Variants in ASAP3 observed in about 807,000 individuals in gnomAD.
The protein encoded by ASAP3 is ArfGAP with SH3 domain, ankyrin repeat and PH domain 3, also known as arf-GAP with SH3 domain, ANK repeat and PH domain-containing protein 3.
A neutral mutation model predicts 118.2 loss-of-function variants in ASAP3; 85 were observed. The observed-to-expected ratio is 0.72, with a 90% CI of 0.60 to 0.86. ASAP3 has a LOEUF of 0.86. ASAP3 is among the 40% of genes least tolerant of loss of function. The pLI, the probability that ASAP3 is intolerant of heterozygous loss-of-function variation, is 0.00. For missense variants in ASAP3, 1,026 were observed against 1,175.0 expected (o/e 0.87, Z 1.85); for synonymous variants, 432 against 477.4 (o/e 0.90, Z 1.24).
chr1:23,436,941 G>C lies in ASAP3; in HGVS notation c.1446C>G (p.Thr482=). ...ACTCGGAGGGGCCCAGCAGGTCCAA[G>C]GTGAGTGACTGCATGCGCGAAAAGC... ...GVRFSRMQSL[T]LDLLGPSELL... Residue 482 remains threonine, a synonymous_variant, in exon 15 of 25, where the codon ACC becomes ACG. Transcript: ENST00000336689. This position sits in a 1 kb window ranked among gnomAD's most constrained non-coding sequence, Gnocchi z 4.2. The C allele has an allele frequency of 1.2e-6, 2 of 1,612,472 alleles. No homozygotes were observed. Among genetic ancestry groups the C allele is most frequent in the South Asian group, 2.2e-5 (2 of 91,022 alleles).
intron 5 of ASAP3, among the ~76,000 whole-genome samples, chr1:23,445,863 T>G (rs544383889): frequency 5.3e-5 from 8 of 151,798 alleles, no homozygotes; most frequent in African/African-American, 1.9e-4. Context: ...GTCCTGTAAG[T>G]CCCAGCGACA....
intron 1 of ASAP3, among the ~76,000 whole-genome samples, chr1:23,474,284 C>G (rs1193839137): frequency 6.6e-6 from 1 of 152,002 alleles, no homozygotes; most frequent in Non-Finnish European, 1.5e-5. Flanking sequence ...TCCCAATGAC[C>G]TCCGTGTTGC....
At chr1:23,483,867 T>C (rs6686497) in intron 1 of ASAP3, 138 bp downstream of exon 1, 627,957 of 964,342 alleles carry the variant, frequency 0.65, 212,921 homozygotes, top group Non-Finnish European at 0.69. Context: ...GGAGATGCGC[T>C]CGGTCCTCCC....
chr1:23,442,443 G>T (rs1205107589), intron 6 of ASAP3, 58 bp downstream of exon 6: 4 of 1,600,226 alleles, frequency 2.5e-6, no homozygotes, highest in Non-Finnish European at 3.4e-6. Flanking sequence ...GTCCCCTGGA[G>T]AGGCAGACAG....
intron 1 of ASAP3, among the ~76,000 whole-genome samples, chr1:23,463,045 C>G (rs555422337): frequency 6.6e-6 from 1 of 152,066 alleles, no homozygotes; most frequent in African/African-American, 2.4e-5. Context: ...GGTAGGACTG[C>G]CAGGAAGGGA....
intron 22 of ASAP3, among the ~76,000 whole-genome samples, chr1:23,432,235 T>C (rs1640464064): frequency 6.6e-6 from 1 of 152,060 alleles, no homozygotes; most frequent in Non-Finnish European, 1.5e-5. Context: ...TCAAAATCCT[T>C]ACCTGGGGTG....
At chr1:23,462,721 T>G (rs951764558) in intron 1 of ASAP3, among the ~76,000 whole-genome samples, 2 of 152,006 alleles carry the variant, frequency 1.3e-5, no homozygotes, top group African/African-American at 4.8e-5. Context: ...ATCACGCCAT[T>G]GCACCCCAGC....
In ASAP3 at chr1:23,434,663, T is replaced by C. The variant is rs752382635; in HGVS notation, c.1750-45A>G. On this transcript the variant is annotated intron_variant, in intron 17 of 24. Coordinates refer to ENST00000336689, the MANE Select transcript of ASAP3 (RefSeq NM_017707.4). ...TCTGAGATTCCCCCCCCAGTGCACC[T>C]GCCTCCAACCCAGTATTTCCCTCTT... is the stretch of plus-strand genomic sequence containing the variant. 1.9e-6 allele frequency: 3 copies of C among 1,571,348 alleles called. No homozygotes were observed. In the South Asian group the frequency reaches 3.4e-5, roughly 18 times the overall value.
rs903820358 is a variant in ASAP3, at chr1:23,437,694, C to T, written c.1103-222G>A. On this transcript the variant is annotated intron_variant, in intron 12 of 24. Transcript: ENST00000336689. The surrounding 1 kb of genome is among the most constrained non-coding windows in gnomAD (Gnocchi z 6.1). ...TAGGATCCCAACAAAGCTCCCTCTGCGTGAAGCCCTGGTTCCAGGCTCAGA... is the reference window on the plus strand; with the variant it reads ...TAGGATCCCAACAAAGCTCCCTCTGTGTGAAGCCCTGGTTCCAGGCTCAGA... Among the ~76,000 whole-genome samples, 5 of 152,144 alleles carry T rather than the reference C, an allele frequency of 3.3e-5. No homozygotes were observed. Among genetic ancestry groups the T allele is most frequent in the African/African-American group, 9.7e-5 (4 of 41,420 alleles).
rs1640762366 is a variant in ASAP3, at chr1:23,438,751, C to T, written c.1098G>A (p.Val366=). Residue 366 remains valine (V), a synonymous_variant, in exon 12 of 25, where the codon GTG becomes GTA. Transcript: ENST00000336689. The surrounding 1 kb of genome is among the most constrained non-coding windows in gnomAD (Gnocchi z 4.9). ...AGAGGCACAGGGACCACTCACGGGT[C>T]ACCAGGTCGAAGCACTTTTTCTCCT... ...NPEEKKCFDL[V]THNRTYHFQA... 6.2e-7 allele frequency: 1 copy of T among 1,613,932 alleles called. No homozygotes were observed. Among genetic ancestry groups the T allele is most frequent in the African/African-American group, 1.3e-5 (1 of 74,924 alleles).
At chr1:23,474,144 T>C (rs1330654530) in intron 1 of ASAP3, among the ~76,000 whole-genome samples, 1 of 151,862 alleles carries the variant, frequency 6.6e-6, no homozygotes, top group Non-Finnish European at 1.5e-5. Flanking sequence ...ATTTTTGTAT[T>C]TTTAGTAGAG....
rs757677265 is a variant in ASAP3, at chr1:23,436,607, G to A, written c.1524C>T (p.Ala508=). 1.9e-5 allele frequency: 31 copies of A among 1,614,110 alleles called. No individual in the cohort carries two copies. In the Admixed American group the frequency reaches 2.2e-4, roughly 11 times the overall value. Residue 508 remains alanine, a synonymous_variant, in exon 16 of 25, where the codon GCC becomes GCT. Transcript: ENST00000336689. The surrounding 1 kb of genome is among the most constrained non-coding windows in gnomAD (Gnocchi z 4.2). ...GNTSFNEVME[A]QLPSHGGPKP... ...TAGGGCCGCCGTGTGAGGGTAGCTG[G>A]GCCTCCATGACCTCATTGAAGCTCG...
In ASAP3 at chr1:23,441,397, T is replaced by G. The variant is rs760054820; in HGVS notation, c.824A>C (p.Glu275Ala). The change falls in exon 9 of 25, where the codon GAG (glutamate) becomes GCG (alanine). Residue 275 changes from glutamate (E) to alanine (A), a missense_variant. Physicochemically the swap from Glu to Ala is moderately radical, Grantham distance 107. Coordinates refer to ENST00000336689, the MANE Select transcript of ASAP3 (RefSeq NM_017707.4). ...RDSLRGTLQL[E>A]SREEHLSRKN... ...AGTTCAGGGGCTGACCTCTCTGCTC[T>G]CAAGCTGCAGTGTCCCTCGGAGGGA... 1.6e-5 allele frequency: 26 copies of G among 1,613,956 alleles called. No individual in the cohort carries two copies. The South Asian group carries it at 2.6e-4, about 16-fold the overall frequency.
At chr1:23,449,305 G>C (rs546069094) in intron 5 of ASAP3, among the ~76,000 whole-genome samples, 2 of 152,300 alleles carry the variant, frequency 1.3e-5, no homozygotes, top group East Asian at 3.9e-4. Context: ...CATTGACCCT[G>C]AAAGGTATTA....
chr1:23,428,639 CA>C lies in ASAP3; in HGVS notation c.*1216del, dbSNP rs1640317607. The C allele has an allele frequency of 1.3e-5, 2 of 152,432 alleles. No individual in the cohort carries two copies. The highest frequency in any genetic ancestry group is 4.1e-4 in the South Asian group (2 of 4,838). 9.4% of individuals were successfully genotyped at this position (152,432 alleles called of 1,614,324 possible). A position where few individuals can be genotyped will look rare whatever the true frequency, so the allele number is the denominator to read the frequency against. Reference sequence around the variant, plus strand: ...TGAATGAAACCAGACACTGGGGGCTCAAAAGACAACCCTGTTCCTGTGGGAA... The same window carrying C: ...TGAATGAAACCAGACACTGGGGGCTCAAAGACAACCCTGTTCCTGTGGGAA... On this transcript the variant is annotated 3_prime_UTR_variant, in exon 25 of 25. Transcript: ENST00000336689.
rs1045266484 is a variant in ASAP3 at position 23,436,746 on chromosome 1, C to G, written c.1477-92G>C. 11 of 1,566,534 alleles carry G rather than the reference C, an allele frequency of 7.0e-6. No homozygotes were observed. The highest frequency in any genetic ancestry group is 8.7e-6 in the Non-Finnish European group (10 of 1,148,534). ...GCTCCAAGCCCCCAGAGTCCCGCCCCTCGGCCGCCCTCCCGGTTCAGGCCC... is the reference window on the plus strand; with the variant it reads ...GCTCCAAGCCCCCAGAGTCCCGCCCGTCGGCCGCCCTCCCGGTTCAGGCCC... On this transcript the variant is annotated intron_variant, in intron 15 of 24. Transcript: ENST00000336689. This position sits in a 1 kb window ranked among gnomAD's most constrained non-coding sequence, Gnocchi z 4.2.
chr1:23,431,150 T>G (rs753685787), intron 23 of ASAP3, 25 bp from the exon 24 acceptor site: 10 of 1,563,052 alleles, frequency 6.4e-6, no homozygotes, highest in Non-Finnish European at 4.3e-6. Context: ...AAGGCCAACA[T>G]GACCCTCATG....
At chr1:23,445,288 G>T (rs1014301682) in intron 5 of ASAP3, among the ~76,000 whole-genome samples, 1 of 152,116 alleles carries the variant, frequency 6.6e-6, no homozygotes, top group African/African-American at 2.4e-5. Flanking sequence ...CCAGAAGTTC[G>T]AAACCAGCTC....
At chr1:23,439,418 C>T (rs1621803) in intron 10 of ASAP3, among the ~76,000 whole-genome samples, 188 bp from the exon 11 acceptor site, 8,318 of 152,164 alleles carry the variant, frequency 0.055, 718 homozygotes, top group African/African-American at 0.18. Context: ...GGAGGAGACA[C>T]AGTTCTGCTC....
Sources: gnomAD v4.1 joint callset for allele counts (sites outside exome capture counted in the v4.1 genomes callset) on GRCh38, gnomAD v4.1.1 for gene constraint, Gnocchi (gnomAD v3.1) non-coding constraint, MANE v1.5 for transcripts, NCBI Gene and HGNC (gene_info 2026-07-23, HGNC 2026-07-21) for gene names.